The following BICD1 variants were observed in gnomAD, a reference collection of about 807,000 sequenced individuals.
BICD1 encodes BICD cargo adaptor 1, also known as protein bicaudal D homolog 1.
In BICD1, 35 loss-of-function variants were observed where a neutral mutation model predicts 92.5. That is an observed-to-expected ratio of 0.38 (90% CI 0.29 to 0.50). The LOEUF is 0.50. BICD1 is among the 20% of genes least tolerant of loss of function. BICD1 has a pLI of 0.93. For missense variants in BICD1, 950 were observed against 1,189.8 expected, an observed-to-expected ratio of 0.80 and a Z score of 2.97; for synonymous variants, 429 against 465.1, an observed-to-expected ratio of 0.92 and a Z score of 1.00.
rs563217546 is a variant in BICD1, at chr12:32,312,278, A to G, written c.1005+6156A>G. On this transcript the variant is annotated intron_variant, in intron 4 of 9. Coordinates refer to ENST00000652176, the MANE Select transcript of BICD1 (RefSeq NM_001714.4). ...CTGCTGGGAAATGGTAATAACAAGTATAAACATTTATAGCTACTACAATTT... is the reference window on the plus strand; with the variant it reads ...CTGCTGGGAAATGGTAATAACAAGTGTAAACATTTATAGCTACTACAATTT... 2.6e-5 allele frequency among the ~76,000 whole-genome samples: 4 copies of G among 152,336 alleles called. No homozygotes were observed. In the East Asian group the frequency reaches 5.8e-4, roughly 22 times the overall value.
At position 32,112,162 on chromosome 12, in the gene BICD1, A is replaced by G. The variant is rs575582351; in HGVS notation, c.213+4618A>G. 1.5e-3 allele frequency among the ~76,000 whole-genome samples: 233 copies of G among 151,988 alleles called. No homozygotes were observed. The Middle Eastern group carries it at 0.017, about 11-fold the overall frequency. ...GCTAGGATTACAGGCATGCGCCACCACACCTGGCCAGTTTTGTATTTTTAG... is the reference window on the plus strand; with the variant it reads ...GCTAGGATTACAGGCATGCGCCACCGCACCTGGCCAGTTTTGTATTTTTAG... On this transcript the variant is annotated intron_variant, in intron 1 of 9. Transcript: ENST00000652176.
At chr12:32,346,533 C>T (rs1412704740) in intron 8 of BICD1, among the ~76,000 whole-genome samples, 2 of 25,200 alleles carry the variant, frequency 7.9e-5, no homozygotes, top group Non-Finnish European at 1.1e-4. Context: ...TATATATATA[C>T]GTGTATATAT....
intron 1 of BICD1, among the ~76,000 whole-genome samples, chr12:32,127,178 C>G (rs12228274): frequency 0.15 from 22,845 of 152,128 alleles, 2,024 homozygotes; most frequent in Non-Finnish European, 0.18. Flanking sequence ...ATTTATCACT[C>G]TTTTGTGTTT....
intron 1 of BICD1, among the ~76,000 whole-genome samples, chr12:32,194,649 A>AG (rs1161112004): frequency 1.3e-5 from 2 of 152,160 alleles, no homozygotes; most frequent in Non-Finnish European, 2.9e-5. Flanking sequence ...TGGGAGGCCG[A>AG]GGGGGGTGGA....
At chr12:32,298,025 C>CA (rs959189991) in intron 3 of BICD1, among the ~76,000 whole-genome samples, 14 of 151,108 alleles carry the variant, frequency 9.3e-5, no homozygotes, top group Admixed American at 2.0e-4. Context: ...CTACCAACAA[C>CA]AAAAAAAATT....
intron 1 of BICD1, among the ~76,000 whole-genome samples, chr12:32,135,386 CTTTTTTTTTTTT>C (rs71064999): frequency 2.0e-4 from 9 of 44,836 alleles, no homozygotes; most frequent in Non-Finnish European, 3.0e-4. Context: ...CCATGCGTGG[CTTTTTTTTTTTT>C]TTTTTTTTTT....
intron 1 of BICD1, among the ~76,000 whole-genome samples, chr12:32,132,132 T>TGG (rs557089759): frequency 4.1e-4 from 63 of 152,018 alleles, no homozygotes; most frequent in African/African-American, 1.5e-3. Flanking sequence ...GATCTTGAGA[T>TGG]GGGGGCTGGG....
Position 32,350,142 on chromosome 12 carries a change from A to G in BICD1, c.2764+11163A>G, listed in dbSNP as rs528986640. On this transcript the variant is annotated intron_variant, in intron 8 of 9. Transcript: ENST00000652176. ...ATAGCTCAACTGATGTGTAGTTAGA[A>G]TGTTCATGGAAGGCCCAGGCTTGCT... 1.9e-3 allele frequency among the ~76,000 whole-genome samples: 294 copies of G among 152,268 alleles called. 4 individuals carry two copies. The highest frequency in any genetic ancestry group is 6.8e-3 in the African/African-American group (282 of 41,566).
intron 2 of BICD1, among the ~76,000 whole-genome samples, chr12:32,247,404 G>C (rs1946416819): frequency 6.6e-6 from 1 of 152,100 alleles, no homozygotes; most frequent in South Asian, 2.1e-4. Flanking sequence ...ATAACCTAAG[G>C]AATGACGAGA....
intron 1 of BICD1, among the ~76,000 whole-genome samples, chr12:32,168,310 T>C (rs1474128514): frequency 6.6e-6 from 1 of 152,202 alleles, no homozygotes; most frequent in African/African-American, 2.4e-5. Context: ...TTTTATTTTG[T>C]TTTGTTTCTT....
chr12:32,141,120 G>A (rs1342777831), intron 1 of BICD1, among the ~76,000 whole-genome samples: 2 of 152,160 alleles, frequency 1.3e-5, no homozygotes, highest in Non-Finnish European at 2.9e-5. Flanking sequence ...TTGGCGGAGT[G>A]GTTACCTTTT....
chr12:32,216,296 A>G lies in BICD1; in HGVS notation c.263A>G (p.Glu88Gly). The G allele has an allele frequency of 6.2e-7, 1 of 1,614,060 alleles. No homozygotes were observed. Among genetic ancestry groups the G allele is most frequent in the Non-Finnish European group, 8.5e-7 (1 of 1,180,024 alleles). ...SIHRKVAEDG[E>G]TREETLLQES... ...CACCGGAAGGTTGCTGAAGATGGAGAGACTCGGGAGGAAACGCTTCTGCAG... is the reference window on the plus strand; with the variant it reads ...CACCGGAAGGTTGCTGAAGATGGAGGGACTCGGGAGGAAACGCTTCTGCAG... The change falls in exon 2 of 10, where the codon GAG (glutamate) becomes GGG (glycine). Residue 88 changes from glutamate (E) to glycine (G), a missense_variant. This residue lies in a region of BICD1 where 202 missense variants were observed against 205.3 expected (regional missense o/e 0.98). Transcript: ENST00000652176.
intron 1 of BICD1, among the ~76,000 whole-genome samples, chr12:32,161,875 T>G (rs1943611801): frequency 6.6e-6 from 1 of 152,198 alleles, no homozygotes; most frequent in African/African-American, 2.4e-5. Context: ...TTTTCATGAA[T>G]TTTTGTTCAA....
intron 8 of BICD1, among the ~76,000 whole-genome samples, chr12:32,350,438 C>T (rs1938816509): frequency 2.6e-5 from 4 of 152,138 alleles, no homozygotes; most frequent in Admixed American, 2.6e-4. Flanking sequence ...GATTGCACCA[C>T]TGCACTCTAG....
At chr12:32,172,041 GTTTC>G in intron 1 of BICD1, among the ~76,000 whole-genome samples, 1 of 151,310 alleles carries the variant, frequency 6.6e-6, no homozygotes, top group African/African-American at 2.4e-5. Context: ...TTCCTTCCTT[GTTTC>G]TTTGCATCAA....
chr12:32,332,059 A>G (rs967993825), intron 5 of BICD1, among the ~76,000 whole-genome samples: 7 of 152,226 alleles, frequency 4.6e-5, no homozygotes, highest in African/African-American at 1.2e-4. Context: ...GAATGAGATC[A>G]TGTCATTTAC....
intron 1 of BICD1, among the ~76,000 whole-genome samples, chr12:32,191,986 C>A (rs1316615920): frequency 6.6e-6 from 1 of 152,120 alleles, no homozygotes; most frequent in African/African-American, 2.4e-5. Flanking sequence ...AGTTACACAT[C>A]TCTCACTTTA....
At chr12:32,121,733 C>A (rs183887879) in intron 1 of BICD1, among the ~76,000 whole-genome samples, 1 of 152,114 alleles carries the variant, frequency 6.6e-6, no homozygotes, top group East Asian at 1.9e-4. Context: ...AAGACTCTAT[C>A]TCAAACAAAC....
chr12:32,114,642 C>T (rs1376446773), intron 1 of BICD1, among the ~76,000 whole-genome samples: 2 of 152,014 alleles, frequency 1.3e-5, no homozygotes, highest in Non-Finnish European at 2.9e-5. Flanking sequence ...TTTTGGCCTC[C>T]CAAAGTGCTA....
Sources: gnomAD v4.1 joint callset for allele counts (sites outside exome capture counted in the v4.1 genomes callset) on GRCh38, gnomAD v4.1.1 for gene constraint, gnomAD v4.1.1 regional missense constraint, MANE v1.5 for transcripts, NCBI Gene and HGNC (gene_info 2026-07-23, HGNC 2026-07-21) for gene names.